The following SLC9A9 variants were observed in gnomAD, a reference collection of about 807,000 sequenced individuals.
SLC9A9 encodes the protein solute carrier family 9 member A9, also known as sodium/hydrogen exchanger 9.
In SLC9A9, 62 loss-of-function variants were observed where a neutral mutation model predicts 77.8. The ratio of observed to expected loss-of-function variants is 0.80; its 90% CI spans 0.65 to 0.98. The LOEUF (loss-of-function observed/expected upper bound fraction) is 0.98. SLC9A9 is among the 50% of genes least tolerant of loss of function. SLC9A9 has a pLI of 0.00. For synonymous variants in SLC9A9, 320 were observed against 283.5 expected (o/e 1.13, Z -1.29); for missense variants, 775 against 774.9 (o/e 1.00, Z 0.00).
intron 12 of SLC9A9, among the ~76,000 whole-genome samples, chr3:143,413,335 A>C (rs990012220): frequency 6.6e-6 from 1 of 152,312 alleles, no homozygotes; most frequent in East Asian, 1.9e-4. Flanking sequence ...AGGAAGTTTG[A>C]AAAGATGCAT....
At chr3:143,268,699 C>T (rs185737381) in intron 15 of SLC9A9, among the ~76,000 whole-genome samples, 176 bp downstream of exon 15, 25 of 143,782 alleles carry the variant, frequency 1.7e-4, no homozygotes, top group African/African-American at 6.2e-4. Context: ...CGCCACTGCA[C>T]TCCAGCCTGG....
intron 9 of SLC9A9, among the ~76,000 whole-genome samples, chr3:143,531,069 T>C (rs576964213): frequency 7.1e-4 from 108 of 152,340 alleles, no homozygotes; most frequent in Non-Finnish European, 1.2e-4. Flanking sequence ...TTGTAAAAAC[T>C]AATGCATGAA....
At chr3:143,303,043 C>G (rs1389890317) in intron 14 of SLC9A9, among the ~76,000 whole-genome samples, 2 of 152,228 alleles carry the variant, frequency 1.3e-5, no homozygotes, top group Non-Finnish European at 2.9e-5. Context: ...GGACAACTGG[C>G]TCTCCAGGCA....
intron 4 of SLC9A9, among the ~76,000 whole-genome samples, chr3:143,789,248 C>T (rs1047804317): frequency 5.9e-5 from 9 of 152,142 alleles, no homozygotes; most frequent in African/African-American, 1.7e-4. Flanking sequence ...CTAGAGAAAC[C>T]TTTAGTTCTA....
chr3:143,518,047 G>T (rs1455402364), intron 9 of SLC9A9: 1 of 1,468,790 alleles, frequency 6.8e-7, no homozygotes, highest in East Asian at 2.3e-5. Flanking sequence ...CCTTCTTACT[G>T]TCAGGTTTTT....
intron 9 of SLC9A9, among the ~76,000 whole-genome samples, chr3:143,536,416 T>G (rs11922063): frequency 0.11 from 16,125 of 152,286 alleles, 1,402 homozygotes; most frequent in African/African-American, 0.23. Context: ...TTTCACTAAC[T>G]GGCACCTATT....
chr3:143,764,971 T>TTTCCTTCC (rs139347757), intron 4 of SLC9A9, among the ~76,000 whole-genome samples: 216 of 147,348 alleles, frequency 1.5e-3, no homozygotes, highest in Middle Eastern at 6.9e-3. Context: ...TTTCTCTTTC[T>TTTCCTTCC]TTCCTTCCTT....
intron 7 of SLC9A9, among the ~76,000 whole-genome samples, chr3:143,575,328 G>A (rs1032223836): frequency 6.6e-6 from 1 of 152,188 alleles, no homozygotes; most frequent in Admixed American, 6.5e-5. Flanking sequence ...AAAATTCACA[G>A]TATTCACTTG....
At chr3:143,541,098 T>G (rs760701199) in intron 9 of SLC9A9, among the ~76,000 whole-genome samples, 3 of 152,138 alleles carry the variant, frequency 2.0e-5, no homozygotes, top group Non-Finnish European at 2.9e-5. Context: ...AAAATGTAAA[T>G]GAATTAATCC....
At chr3:143,637,699 G>A (rs936020898) in intron 6 of SLC9A9, among the ~76,000 whole-genome samples, 1 of 152,018 alleles carries the variant, frequency 6.6e-6, no homozygotes, top group African/African-American at 2.4e-5. Flanking sequence ...ATTTTTTAAA[G>A]GTGAGAATAG....
chr3:143,517,431 C>T (rs1351819833), intron 9 of SLC9A9: 3 of 1,590,162 alleles, frequency 1.9e-6, no homozygotes, highest in Non-Finnish European at 2.6e-6. Flanking sequence ...GCTTCTTCCT[C>T]CCTCTGGGCT....
At chr3:143,298,357 G>C (rs2108425101) in intron 14 of SLC9A9, among the ~76,000 whole-genome samples, 1 of 152,332 alleles carries the variant, frequency 6.6e-6, no homozygotes, top group Admixed American at 6.5e-5. Flanking sequence ...GAGTGAGCCA[G>C]TGACCGTTTT....
At chr3:143,682,955 C>A (rs962447199) in intron 5 of SLC9A9, among the ~76,000 whole-genome samples, 1 of 152,028 alleles carries the variant, frequency 6.6e-6, no homozygotes, top group Non-Finnish European at 1.5e-5. Flanking sequence ...CTTGTAAATC[C>A]CTTTTTGCTA....
chr3:143,633,088 TCTTA>T (rs368661438), intron 6 of SLC9A9, among the ~76,000 whole-genome samples: 131 of 152,354 alleles, frequency 8.6e-4, no homozygotes, highest in African/African-American at 3.0e-3. Context: ...TTCATTGGAT[TCTTA>T]CTATGTTCCT....
chr3:143,538,339 C>G (rs941696082), intron 9 of SLC9A9, among the ~76,000 whole-genome samples: 2 of 152,120 alleles, frequency 1.3e-5, no homozygotes, highest in Non-Finnish European at 2.9e-5. Flanking sequence ...AGCCAAAACC[C>G]AAACAATAAA....
At chr3:143,670,384 C>T (rs962778413) in intron 5 of SLC9A9, among the ~76,000 whole-genome samples, 3 of 152,190 alleles carry the variant, frequency 2.0e-5, no homozygotes, top group Non-Finnish European at 4.4e-5. Flanking sequence ...AGAACAATGT[C>T]AAGAAAAGTG....
intron 4 of SLC9A9, among the ~76,000 whole-genome samples, chr3:143,703,524 A>G (rs1345565417): frequency 6.6e-6 from 1 of 152,104 alleles, no homozygotes; most frequent in Non-Finnish European, 1.5e-5. Context: ...ACAAATGGTA[A>G]TAGAAACAAA....
At chr3:143,609,006 C>G (rs1261018474) in intron 6 of SLC9A9, among the ~76,000 whole-genome samples, 1 of 152,122 alleles carries the variant, frequency 6.6e-6, no homozygotes, top group Non-Finnish European at 1.5e-5. Flanking sequence ...CCTTAGCTGT[C>G]TATGATGCGA....
intron 1 of SLC9A9, among the ~76,000 whole-genome samples, chr3:143,839,895 T>TCTCGAACCAGA (rs1480399098): frequency 2.0e-5 from 3 of 152,132 alleles, no homozygotes; most frequent in Non-Finnish European, 4.4e-5. Flanking sequence ...CATTACAAAG[T>TCTCGAACCAGA]GTTATAGACG....
Sources: gnomAD v4.1 joint callset for allele counts (sites outside exome capture counted in the v4.1 genomes callset) on GRCh38, gnomAD v4.1.1 for gene constraint, MANE v1.5 for transcripts, NCBI Gene and HGNC (gene_info 2026-07-23, HGNC 2026-07-21) for gene names.